PAG1: variants seen among roughly 807,000 people sequenced by gnomAD.
PAG1 encodes phosphoprotein membrane anchor with glycosphingolipid microdomains 1.
Under a neutral mutation model 31.7 loss-of-function variants are expected in PAG1, and 23 were observed. That is an observed-to-expected ratio of 0.73 (90% confidence interval 0.52 to 1.03). PAG1 has a LOEUF of 1.03. PAG1 is among the 50% of genes least tolerant of loss of function. The pLI is 0.00. For synonymous variants in PAG1, 214 were observed against 210.3 expected, an observed-to-expected ratio of 1.02 and a Z score of -0.15; for missense variants, 473 against 540.7, an observed-to-expected ratio of 0.87 and a Z score of 1.24.
intron 2 of PAG1, among the ~76,000 whole-genome samples, chr8:81,054,658 G>C (rs1306309081): frequency 1.3e-5 from 2 of 151,952 alleles, no homozygotes; most frequent in Non-Finnish European, 2.9e-5. Context: ...CTGGGCAACA[G>C]AGCGAGACTC....
At position 81,020,904 on chromosome 8, in the gene PAG1, C is replaced by T. The variant is rs541136439; in HGVS notation, c.-81+9092G>A. Among the ~76,000 whole-genome samples, 14 of 152,324 alleles carry T rather than the reference C, an allele frequency of 9.2e-5. No homozygotes were observed. The East Asian group carries it at 1.2e-3, about 13-fold the overall frequency. ...ACACATTCAGAGTCAGAATTCTCCA[C>T]GCCACAGGTTCTGAAAAACCTGGTT... is the stretch of plus-strand genomic sequence containing the variant. On this transcript the variant is annotated intron_variant, in intron 3 of 8. Transcript: ENST00000220597.
intron 3 of PAG1, among the ~76,000 whole-genome samples, chr8:81,019,062 G>C (rs1379163877): frequency 6.6e-6 from 1 of 152,190 alleles, no homozygotes; most frequent in African/African-American, 2.4e-5. Flanking sequence ...GGGAACTGGA[G>C]TAAAGATCAC....
At position 80,980,465 on chromosome 8, in the gene PAG1, C is replaced by A; in HGVS notation, c.906G>T (p.Arg302=). ...KRFSSLSYKS[R]EEDPTLTEEE... The stretch of plus-strand genomic sequence containing the variant: ...CTTCTGTGAGAGTGGGGTCTTCTTC[C>A]CGAGACTTGTATGACAATGAGCTAA... The change falls in exon 8 of 9, where the codon CGG becomes CGT. Residue 302 remains arginine, a synonymous_variant. Transcript: ENST00000220597. The A allele has an allele frequency of 1.2e-6, 2 of 1,608,088 alleles. No individual in the cohort carries two copies. The highest frequency in any genetic ancestry group is 1.7e-6 in the Non-Finnish European group (2 of 1,174,618).
Position 81,005,296 on chromosome 8 carries a change from A to ATATGTATG in PAG1, c.-80-11997_-80-11990dup, listed in dbSNP as rs559376104. On this transcript the variant is annotated intron_variant, in intron 3 of 8. Coordinates refer to ENST00000220597, the MANE Select transcript of PAG1 (RefSeq NM_018440.4). ...GGGGAATTCTGAGAGAATGGCATAT[A>ATATGTATG]TATGTATGTATGTATGTATGTATTT... is the stretch of plus-strand genomic sequence containing the variant. Among the ~76,000 whole-genome samples the ATATGTATG allele has an allele frequency of 3.3e-5, 5 of 152,216 alleles. No homozygotes were observed. The East Asian group carries it at 9.7e-4, about 29-fold the overall frequency.
At chr8:81,010,898 T>C (rs1207312609) in intron 3 of PAG1, among the ~76,000 whole-genome samples, 2 of 152,216 alleles carry the variant, frequency 1.3e-5, no homozygotes, top group Admixed American at 1.3e-4. Flanking sequence ...GCTTTTATAC[T>C]AGCTGTTTGT....
intron 2 of PAG1, among the ~76,000 whole-genome samples, chr8:81,043,507 T>C (rs1808589883): frequency 6.6e-6 from 1 of 152,234 alleles, no homozygotes; most frequent in Non-Finnish European, 1.5e-5. Context: ...TTAGAGAATG[T>C]TCCATGTCAG....
intron 2 of PAG1, among the ~76,000 whole-genome samples, chr8:81,041,215 T>C (rs1484983766): frequency 1.3e-5 from 2 of 152,006 alleles, no homozygotes; most frequent in Non-Finnish European, 2.9e-5. Flanking sequence ...TTGTCTGTCA[T>C]CAACAGGTGT....
chr8:81,022,023 C>A (rs1002963864), intron 3 of PAG1, among the ~76,000 whole-genome samples: 2 of 152,212 alleles, frequency 1.3e-5, no homozygotes, highest in African/African-American at 4.8e-5. Context: ...AAGACTGATT[C>A]ATCTTACTCT....
chr8:80,987,592 C>T (rs1314161420), intron 5 of PAG1, 126 bp from the exon 6 acceptor site: 1 of 647,394 alleles, frequency 1.5e-6, no homozygotes, highest in Non-Finnish European at 2.7e-6. Flanking sequence ...ACAGAATCTC[C>T]TATAATAGTC....
At chr8:81,093,879 G>A (rs1250381549) in intron 1 of PAG1, among the ~76,000 whole-genome samples, 3 of 152,164 alleles carry the variant, frequency 2.0e-5, no homozygotes, top group Admixed American at 6.5e-5. Context: ...TAAACCAAAC[G>A]GCCTGCCTTG....
chr8:81,036,791 C>T (rs1436238765), intron 2 of PAG1, among the ~76,000 whole-genome samples: 2 of 152,184 alleles, frequency 1.3e-5, no homozygotes, highest in African/African-American at 4.8e-5. Flanking sequence ...CACTCCCCAG[C>T]TGCTTTGGCT....
At chr8:80,986,943 A>G (rs572209042) in intron 6 of PAG1, among the ~76,000 whole-genome samples, 8 of 152,316 alleles carry the variant, frequency 5.3e-5, no homozygotes, top group Non-Finnish European at 8.8e-5. Context: ...TCCTGACCTC[A>G]GAATTGCAAG....
At chr8:80,988,399 T>C (rs754694887) in intron 5 of PAG1, among the ~76,000 whole-genome samples, 10 of 152,242 alleles carry the variant, frequency 6.6e-5, no homozygotes, top group Non-Finnish European at 1.5e-4. Flanking sequence ...GCAAAGCCTC[T>C]GGCTGCTAGG....
intron 2 of PAG1, among the ~76,000 whole-genome samples, chr8:81,064,470 A>G (rs1014319146): frequency 1.3e-5 from 2 of 152,232 alleles, no homozygotes; most frequent in Admixed American, 1.3e-4. Flanking sequence ...ATAGGAGTGC[A>G]TAATTAATTA....
At chr8:80,987,718 A>G (rs1418843737) in intron 5 of PAG1, among the ~76,000 whole-genome samples, 2 of 151,966 alleles carry the variant, frequency 1.3e-5, no homozygotes, top group African/African-American at 4.8e-5. Flanking sequence ...TATACCTATG[A>G]TGATGTTTAA....
chr8:81,023,937 T>G (rs536933263), intron 3 of PAG1, among the ~76,000 whole-genome samples: 52 of 152,332 alleles, frequency 3.4e-4, no homozygotes, highest in African/African-American at 1.2e-3. Context: ...ATCAGTTGCT[T>G]CTTCTGCTTA....
chr8:80,986,621 C>T (rs764067913), intron 6 of PAG1, among the ~76,000 whole-genome samples: 5 of 152,064 alleles, frequency 3.3e-5, no homozygotes, highest in African/African-American at 4.8e-5. Flanking sequence ...GGCAGAACGA[C>T]CCTGAAAAAT....
chr8:80,969,015 A>T lies in PAG1; in HGVS notation c.*7529T>A, dbSNP rs145869004. The T allele has an allele frequency of 1.1e-4, 16 of 152,334 alleles. No homozygotes were observed. Among genetic ancestry groups the T allele is most frequent in the African/African-American group, 3.8e-4 (16 of 41,578 alleles). The allele number at this position is 152,334 out of a possible 1,614,324, so 9.4% of individuals were successfully genotyped here. ...GCAAATAAAAAGATAATTTTTAAAA[A>T]GTGTCAAGGTCGCAAGCATACTAGA... On this transcript the variant is annotated 3_prime_UTR_variant, in exon 9 of 9. Coordinates refer to ENST00000220597, the MANE Select transcript of PAG1 (RefSeq NM_018440.4).
intron 1 of PAG1, among the ~76,000 whole-genome samples, chr8:81,071,620 T>G (rs940144799): frequency 3.3e-5 from 5 of 152,196 alleles, no homozygotes; most frequent in Non-Finnish European, 7.3e-5. Flanking sequence ...AGGCTGCTAG[T>G]GGTGTCTAAA....
Sources: allele counts gnomAD v4.1 joint callset (sites outside exome capture counted in the v4.1 genomes callset), GRCh38; gene constraint gnomAD v4.1.1; transcripts MANE v1.5; gene names NCBI Gene and HGNC (gene_info 2026-07-23, HGNC 2026-07-21).